MAGI1: variants seen among roughly 807,000 people sequenced by gnomAD.
MAGI1 encodes membrane associated guanylate kinase, WW and PDZ domain containing 1.
Under a neutral mutation model 139.9 loss-of-function variants are expected in MAGI1, and 58 were observed. The observed-to-expected ratio is 0.41, with a 90% confidence interval of 0.34 to 0.52. MAGI1 has a LOEUF of 0.52. Among genes scored for constraint, MAGI1 ranks in the 20% least tolerant of loss-of-function variants. The pLI, the probability that MAGI1 is intolerant of heterozygous loss-of-function variation, is 0.12. For synonymous variants in MAGI1, 812 were observed against 737.9 expected, an observed-to-expected ratio of 1.10 and a Z score of -1.63; for missense variants, 1,874 against 1,901.6, an observed-to-expected ratio of 0.99 and a Z score of 0.27.
chr3:65,457,606 T>G (rs1949489076), intron 5 of MAGI1, among the ~76,000 whole-genome samples: 1 of 152,146 alleles, frequency 6.6e-6, no homozygotes, highest in Non-Finnish European at 1.5e-5. Context: ...ATTTTTGATT[T>G]TGGTAACCAA....
chr3:65,375,317 C>T (rs1015659353), intron 18 of MAGI1, among the ~76,000 whole-genome samples: 1 of 151,866 alleles, frequency 6.6e-6, no homozygotes, highest in African/African-American at 2.4e-5. Flanking sequence ...GCCTCCCGAG[C>T]AGCTGGGACT....
intron 1 of MAGI1, among the ~76,000 whole-genome samples, chr3:65,745,250 G>A (rs1559842301): frequency 1.3e-5 from 2 of 152,100 alleles, no homozygotes; most frequent in Non-Finnish European, 2.9e-5. Flanking sequence ...GAAAGAGAAG[G>A]TATCTCAAGC....
intron 1 of MAGI1, chr3:65,914,233 G>A (rs1383767348): frequency 6.6e-6 from 1 of 152,148 alleles, no homozygotes; most frequent in Non-Finnish European, 1.5e-5. Flanking sequence ...TCTACCAACA[G>A]AGGGCCTCCT....
rs964336956 is a variant in MAGI1, at chr3:65,412,114, T to C, written c.2168-10644A>G. Reference sequence around the variant, plus strand: ...ACAAACTCTTTGTTCAGTGTCCCACTAAGCCCTCCTGGATGTGACCCCTCC... The same window carrying C: ...ACAAACTCTTTGTTCAGTGTCCCACCAAGCCCTCCTGGATGTGACCCCTCC... On this transcript the variant is annotated intron_variant, in intron 12 of 22. Coordinates refer to ENST00000402939, the MANE Select transcript of MAGI1 (RefSeq NM_001033057.2). Among the ~76,000 whole-genome samples the C allele has an allele frequency of 9.8e-5, 15 of 152,338 alleles. No homozygotes were observed. The South Asian group carries it at 1.5e-3, about 15-fold the overall frequency.
chr3:65,983,231 G>T (rs1373661490), intron 1 of MAGI1, among the ~76,000 whole-genome samples: 1 of 152,200 alleles, frequency 6.6e-6, no homozygotes, highest in Non-Finnish European at 1.5e-5. Context: ...ATAAATATTT[G>T]CTTTTCTTTA....
chr3:65,912,260 G>C (rs1447284820), intron 1 of MAGI1, among the ~76,000 whole-genome samples: 1 of 145,064 alleles, frequency 6.9e-6, no homozygotes. Flanking sequence ...AAAGAGTTCT[G>C]CTTCCTAAAT....
At chr3:65,460,838 G>C (rs1397203845) in intron 5 of MAGI1, among the ~76,000 whole-genome samples, 4 of 151,866 alleles carry the variant, frequency 2.6e-5, no homozygotes, top group Non-Finnish European at 5.9e-5. Context: ...TGAGAATGAG[G>C]GTTTCCAGCT....
At chr3:65,852,749 C>T (rs1486573160) in intron 1 of MAGI1, among the ~76,000 whole-genome samples, 15 of 151,902 alleles carry the variant, frequency 9.9e-5, no homozygotes, top group East Asian at 2.0e-4. Flanking sequence ...GTGATCTGCC[C>T]GCCTAGGCCT....
intron 19 of MAGI1, 35 bp downstream of exon 19, chr3:65,364,818 T>A: frequency 6.2e-7 from 1 of 1,611,862 alleles, no homozygotes. Flanking sequence ...AGTTACTTTT[T>A]TCCCCTTTAA....
At chr3:65,378,132 T>C (rs892878843) in intron 17 of MAGI1, among the ~76,000 whole-genome samples, 61 of 152,294 alleles carry the variant, frequency 4.0e-4, no homozygotes, top group African/African-American at 1.2e-3. Flanking sequence ...GGAAGGTGGA[T>C]CATTTTTGGA....
At chr3:65,682,019 G>C (rs1467753642) in intron 1 of MAGI1, among the ~76,000 whole-genome samples, 2 of 152,032 alleles carry the variant, frequency 1.3e-5, no homozygotes, top group East Asian at 1.9e-4. Flanking sequence ...CAGGTTTAAG[G>C]GGGCAAAAAT....
chr3:65,606,489 T>C (rs534436472), intron 2 of MAGI1, among the ~76,000 whole-genome samples: 46 of 151,728 alleles, frequency 3.0e-4, no homozygotes, highest in African/African-American at 1.1e-3. Context: ...TACAGGTGTA[T>C]GCCACCACAC....
At chr3:65,736,837 A>C (rs1219961869) in intron 1 of MAGI1, among the ~76,000 whole-genome samples, 1 of 152,170 alleles carries the variant, frequency 6.6e-6, no homozygotes, top group Non-Finnish European at 1.5e-5. Flanking sequence ...ACCCAGAAAT[A>C]ATGTTTTACC....
chr3:65,639,809 C>A (rs202133300), intron 1 of MAGI1, among the ~76,000 whole-genome samples: 1 of 151,936 alleles, frequency 6.6e-6, no homozygotes, highest in Non-Finnish European at 1.5e-5. Flanking sequence ...TCAAGACCAG[C>A]CTGACCAACA....
chr3:65,783,640 G>A (rs559803632), intron 1 of MAGI1, among the ~76,000 whole-genome samples: 52 of 151,846 alleles, frequency 3.4e-4, no homozygotes, highest in Admixed American at 9.8e-4. Flanking sequence ...GACTTCAGGC[G>A]TGCATCACCA....
chr3:65,371,854 G>A (rs760670026), intron 18 of MAGI1: 237 of 423,794 alleles, frequency 5.6e-4, no homozygotes, highest in Non-Finnish European at 8.5e-4. Context: ...ATGAGATTAC[G>A]GCAATTAAGT....
At chr3:65,555,461 G>A (rs1229305975) in intron 2 of MAGI1, among the ~76,000 whole-genome samples, 1 of 152,158 alleles carries the variant, frequency 6.6e-6, no homozygotes, top group Non-Finnish European at 1.5e-5. Context: ...GAGTGGATGG[G>A]GAGGTGAGCT....
At chr3:65,850,024 C>G (rs1022162285) in intron 1 of MAGI1, among the ~76,000 whole-genome samples, 4 of 152,010 alleles carry the variant, frequency 2.6e-5, no homozygotes, top group African/African-American at 9.7e-5. Context: ...TGTACTATAT[C>G]ATTTATATAC....
At chr3:65,926,822 C>T (rs1297828543) in intron 1 of MAGI1, among the ~76,000 whole-genome samples, 1 of 152,114 alleles carries the variant, frequency 6.6e-6, no homozygotes, top group Non-Finnish European at 1.5e-5. Flanking sequence ...TGGTGTAACC[C>T]CCATCTCTAC....
Sources: allele counts gnomAD v4.1 joint callset (sites outside exome capture counted in the v4.1 genomes callset), GRCh38; gene constraint gnomAD v4.1.1; transcripts MANE v1.5; gene names NCBI Gene and HGNC (gene_info 2026-07-23, HGNC 2026-07-21).